Variants in CCT7 observed in about 807,000 individuals in gnomAD.
CCT7 encodes chaperonin containing TCP1 subunit 7.
CCT7 carries 16 observed loss-of-function variants against 56.6 expected under a neutral mutation model. That is an observed-to-expected ratio of 0.28 (90% confidence interval 0.19 to 0.43). The LOEUF is 0.43. Among genes scored for constraint, CCT7 ranks in the 20% least tolerant of loss-of-function variants. CCT7 has a pLI of 1.00. For missense variants in CCT7, 519 were observed against 685.6 expected, an observed-to-expected ratio of 0.76 and a Z score of 2.71; for synonymous variants, 262 against 254.8, an observed-to-expected ratio of 1.03 and a Z score of -0.27.
chr2:73,243,040 G>A lies in CCT7; in HGVS notation c.304G>A (p.Ala102Thr), dbSNP rs761544912. The A allele has an allele frequency of 1.2e-6, 2 of 1,613,968 alleles. No individual in the cohort carries two copies. Among genetic ancestry groups the A allele is most frequent in the Non-Finnish European group, 1.7e-6 (2 of 1,179,842 alleles). Reference sequence around the variant, plus strand: ...CACCACCTCAGTGACCTTGCTGGCTGCAGAGTTTCTGAAGCAGGTGAAACC... The same window carrying A: ...CACCACCTCAGTGACCTTGCTGGCTACAGAGTTTCTGAAGCAGGTGAAACC... ...DGTTSVTLLA[A>T]EFLKQVKPYV... The change falls in exon 4 of 12, where the codon GCA (alanine) becomes ACA (threonine). Residue 102 changes from alanine (A) to threonine (T), a missense_variant. By Grantham distance (58) the Ala-to-Thr change is moderately conservative. Coordinates refer to ENST00000258091, the MANE Select transcript of CCT7 (RefSeq NM_006429.4).
At chr2:73,238,627 T>G (rs1389157065) in intron 1 of CCT7, among the ~76,000 whole-genome samples, 4 of 152,262 alleles carry the variant, frequency 2.6e-5, no homozygotes, top group African/African-American at 9.6e-5. Flanking sequence ...AGTAACAAAT[T>G]TAACACAATA....
chr2:73,243,259 T>G, intron 4 of CCT7, 130 bp downstream of exon 4: 1 of 941,786 alleles, frequency 1.1e-6, no homozygotes, highest in Non-Finnish European at 1.6e-6. Context: ...TGACATCTCC[T>G]TAGTAATCTC....
chr2:73,248,410 G>A (rs143909961), intron 7 of CCT7, among the ~76,000 whole-genome samples: 45 of 151,998 alleles, frequency 3.0e-4, no homozygotes, highest in African/African-American at 8.9e-4. Context: ...GAGTGCAGTG[G>A]TGCAATCTCG....
At chr2:73,241,319 G>C (rs1343494982) in intron 3 of CCT7, among the ~76,000 whole-genome samples, 1 of 151,898 alleles carries the variant, frequency 6.6e-6, no homozygotes, top group African/African-American at 2.4e-5. Context: ...GTCTGGATTT[G>C]ATTTGTTTTT....
At chr2:73,241,221 C>T (rs562565144) in intron 3 of CCT7, among the ~76,000 whole-genome samples, 13 of 152,138 alleles carry the variant, frequency 8.5e-5, no homozygotes, top group African/African-American at 3.1e-4. Flanking sequence ...ATGTATACTA[C>T]AGGTATGTCT....
intron 1 of CCT7, among the ~76,000 whole-genome samples, chr2:73,236,107 C>G (rs999638339): frequency 6.6e-6 from 1 of 152,180 alleles, no homozygotes; most frequent in Non-Finnish European, 1.5e-5. Flanking sequence ...TGAAAAGGTC[C>G]CCTGAAACCT....
At chr2:73,248,191 C>T (rs1001415975) in intron 7 of CCT7, among the ~76,000 whole-genome samples, 3 of 152,176 alleles carry the variant, frequency 2.0e-5, no homozygotes, top group East Asian at 3.9e-4. Context: ...ATAGCCTGCC[C>T]GGTATTTTGG....
intron 1 of CCT7, 128 bp downstream of exon 1, chr2:73,234,512 C>T: frequency 8.7e-7 from 1 of 1,143,790 alleles, no homozygotes; most frequent in Admixed American, 2.1e-5. Flanking sequence ...AGATCCCCAG[C>T]TTAGGGGCGA....
chr2:73,248,937 G>A (rs2231432), intron 7 of CCT7, 54 bp from the exon 8 acceptor site: 39,523 of 1,457,538 alleles, frequency 0.027, 1,510 homozygotes, highest in African/African-American at 0.18. Flanking sequence ...TTACCCTACC[G>A]TATATGTCAA....
intron 10 of CCT7, 47 bp from the exon 11 acceptor site, chr2:73,251,179 T>G: frequency 1.9e-6 from 3 of 1,573,922 alleles, no homozygotes; most frequent in Non-Finnish European, 2.6e-6. Flanking sequence ...GCATGGAAGC[T>G]TGGACCAGGG....
At chr2:73,238,285 C>G (rs1307664997) in intron 1 of CCT7, among the ~76,000 whole-genome samples, 1 of 152,216 alleles carries the variant, frequency 6.6e-6, no homozygotes, top group African/African-American at 2.4e-5. Flanking sequence ...GAACTCCTCA[C>G]CATAGTGTGT....
intron 11 of CCT7, 27 bp downstream of exon 11, chr2:73,251,459 A>C (rs1158442091): frequency 4.8e-4 from 249 of 515,108 alleles, no homozygotes; most frequent in Non-Finnish European, 8.3e-4. Flanking sequence ...CCCAGGGTTC[A>C]GGGTTTGGGC....
At chr2:73,244,310 C>T in intron 5 of CCT7, 2 of 602,036 alleles carry the variant, frequency 3.3e-6, no homozygotes, top group Non-Finnish European at 2.9e-6. Flanking sequence ...TGGCTGTGTC[C>T]CAGCCCACAG....
At chr2:73,249,243 T>A (rs2103803045) in intron 8 of CCT7, 64 bp downstream of exon 8, 1 of 1,315,500 alleles carries the variant, frequency 7.6e-7, no homozygotes, top group Non-Finnish European at 1.1e-6. Flanking sequence ...CACTGACCCC[T>A]GGTATAACAG....
At chr2:73,237,748 T>C (rs1686940819) in intron 1 of CCT7, 1 of 152,218 alleles carries the variant, frequency 6.6e-6, no homozygotes, top group South Asian at 2.1e-4. Context: ...TAATGTATGA[T>C]TATTTGACAA....
At position 73,249,832 on chromosome 2, in the gene CCT7, C is replaced by T; in HGVS notation, c.986C>T (p.Ser329Leu). The T allele has an allele frequency of 2.5e-6, 4 of 1,613,114 alleles. No homozygotes were observed. Among genetic ancestry groups the T allele is most frequent in the Non-Finnish European group, 3.4e-6 (4 of 1,179,058 alleles). Residue 329 changes from serine (S) to leucine (L), a missense_variant, in exon 9 of 12, where the codon TCA becomes TTA. Ser to Leu is a moderately radical substitution (Grantham distance 145). This residue lies in a region of CCT7 where 237 missense variants were observed against 300.8 expected (regional missense o/e 0.79). Coordinates refer to ENST00000258091, the MANE Select transcript of CCT7 (RefSeq NM_006429.4). Reference sequence around the variant, plus strand: ...CTTGCTCCCTAGGCCTGTGGAGGCTCAATCCAGACCAGTGTGAATGCTCTG... The same window carrying T: ...CTTGCTCCCTAGGCCTGTGGAGGCTTAATCCAGACCAGTGTGAATGCTCTG... ...LKRTMMACGG[S>L]IQTSVNALSA...
At chr2:73,240,803 G>A (rs1687073159) in intron 3 of CCT7, among the ~76,000 whole-genome samples, 1 of 151,958 alleles carries the variant, frequency 6.6e-6, no homozygotes, top group Non-Finnish European at 1.5e-5. Flanking sequence ...AACAGGTTGT[G>A]TGCTGTCATT....
intron 6 of CCT7, among the ~76,000 whole-genome samples, chr2:73,247,062 G>T (rs536051566): frequency 6.6e-6 from 1 of 152,304 alleles, no homozygotes; most frequent in East Asian, 1.9e-4. Context: ...GGTGCAGTGT[G>T]CTTTCTATTA....
chr2:73,250,460 G>A (rs769465247), intron 10 of CCT7, 22 bp downstream of exon 10: 2 of 1,612,954 alleles, frequency 1.2e-6, no homozygotes, highest in East Asian at 4.5e-5. Context: ...ATATCCTCCT[G>A]CTTGCACAGC....
Sources: allele counts gnomAD v4.1 joint callset (sites outside exome capture counted in the v4.1 genomes callset), GRCh38; gene constraint gnomAD v4.1.1; regional missense constraint gnomAD v4.1.1; transcripts MANE v1.5; gene names NCBI Gene and HGNC (gene_info 2026-07-23, HGNC 2026-07-21).